The following SLC47A1 variants were observed in gnomAD, a reference collection of about 807,000 sequenced individuals.
The protein encoded by SLC47A1 is solute carrier family 47 member 1.
A neutral mutation model predicts 65.8 loss-of-function variants in SLC47A1; 58 were observed. The ratio of observed to expected loss-of-function variants is 0.88; its 90% CI spans 0.71 to 1.10. SLC47A1 has a LOEUF of 1.10. Among genes scored for constraint, SLC47A1 ranks in the 50% least tolerant of loss-of-function variants. The pLI is 0.00. For synonymous variants in SLC47A1, 285 were observed against 295.0 expected (o/e 0.97, Z 0.35); for missense variants, 706 against 719.2 (o/e 0.98, Z 0.21).
At chr17:19,534,109 G>A (rs921520949) in intron 1 of SLC47A1, 35 bp downstream of exon 1, 1 of 1,490,694 alleles carries the variant, frequency 6.7e-7, no homozygotes, top group Non-Finnish European at 9.0e-7. Context: ...GGCCGGTACC[G>A]GCGGGCTGGG....
intron 14 of SLC47A1, 89 bp downstream of exon 14, chr17:19,567,317 CCT>C: frequency 6.4e-7 from 1 of 1,573,882 alleles, no homozygotes; most frequent in Non-Finnish European, 8.7e-7. Context: ...CTGAGGCTCA[CCT>C]CTGAAACTCG....
rs921096578 is a variant in SLC47A1, at chr17:19,546,594, A to T, written c.306+91A>T. The T allele has an allele frequency of 5.2e-5, 66 of 1,258,398 alleles. 1 individual carries two copies. In the South Asian group the frequency reaches 8.1e-4, roughly 15 times the overall value. 78.0% of individuals were successfully genotyped at this position (1,258,398 alleles called of 1,614,324 possible). A position where few individuals can be genotyped will look rare whatever the true frequency, so the allele number is the denominator to read the frequency against. The stretch of plus-strand genomic sequence containing the variant: ...GCTCCACTGGCAGGAAGAGTTCAGC[A>T]GCCAGCACTTGCAGCACCTATCAGC... On this transcript the variant is annotated intron_variant, in intron 3 of 16. Coordinates refer to ENST00000270570, the MANE Select transcript of SLC47A1 (RefSeq NM_018242.3).
intron 2 of SLC47A1, among the ~76,000 whole-genome samples, chr17:19,546,184 C>T (rs553193773): frequency 1.3e-5 from 2 of 152,150 alleles, no homozygotes; most frequent in African/African-American, 2.4e-5. Context: ...CGCGCCACTG[C>T]ACTCCAGCCT....
chr17:19,572,046 C>T (rs2084403545), intron 15 of SLC47A1, among the ~76,000 whole-genome samples: 2 of 152,280 alleles, frequency 1.3e-5, no homozygotes, highest in South Asian at 4.2e-4. Context: ...CCCAGCTATT[C>T]AGGAGGCTGA....
rs1916582061 is a variant in SLC47A1, at chr17:19,555,661, G to A, written c.710G>A (p.Gly237Glu). The A allele has an allele frequency of 6.2e-7, 1 of 1,614,128 alleles. No homozygotes were observed. The highest frequency in any genetic ancestry group is 8.5e-7 in the Non-Finnish European group (1 of 1,180,010). ...LALLLFLYIL[G>E]KKLHQATWGG... The stretch of plus-strand genomic sequence containing the variant: ...CTACTCCTCTTTCTCTACATCCTCG[G>A]GAAAAAACTGCATCAAGCTACATGG... The change falls in exon 8 of 17, where the codon GGG (glycine) becomes GAG (glutamate). Residue 237 changes from glycine (G) to glutamate (E), a missense_variant. By Grantham distance (98) the Gly-to-Glu change is moderately conservative. Coordinates refer to ENST00000270570, the MANE Select transcript of SLC47A1 (RefSeq NM_018242.3).
At position 19,542,118 on chromosome 17, in the gene SLC47A1, C is replaced by CT. The variant is rs1323869542; in HGVS notation, c.136-274dup. 5.9e-5 allele frequency among the ~76,000 whole-genome samples: 9 copies of CT among 151,994 alleles called. No homozygotes were observed. The East Asian group carries it at 1.7e-3, about 29-fold the overall frequency. On this transcript the variant is annotated intron_variant, in intron 1 of 16. Transcript: ENST00000270570. ...CCAGCCCAGGTGACAGTGTGAGACT[C>CT]TGTCTCAAAAAAAAAGAAAAGCTGA...
At chr17:19,566,734 T>A in intron 12 of SLC47A1, 56 bp from the exon 13 acceptor site, 1 of 1,555,286 alleles carries the variant, frequency 6.4e-7, no homozygotes, top group Non-Finnish European at 8.9e-7. Flanking sequence ...CAGAAAGCTA[T>A]ATACTTCTTT....
intron 4 of SLC47A1, among the ~76,000 whole-genome samples, chr17:19,548,489 C>G (rs1916355487): frequency 7.2e-6 from 1 of 138,238 alleles, no homozygotes; most frequent in Non-Finnish European, 1.5e-5. Flanking sequence ...CCCTACCACC[C>G]AAGATTTTTC....
At chr17:19,570,664 C>T (rs550243639) in intron 14 of SLC47A1, among the ~76,000 whole-genome samples, 33 of 152,216 alleles carry the variant, frequency 2.2e-4, no homozygotes, top group African/African-American at 7.9e-4. Flanking sequence ...TCCTGCAAGT[C>T]TGATTTAGGG....
chr17:19,536,925 A>G (rs1282360218), intron 1 of SLC47A1, among the ~76,000 whole-genome samples: 1 of 152,214 alleles, frequency 6.6e-6, no homozygotes, highest in Non-Finnish European at 1.5e-5. Flanking sequence ...CCCATAACAC[A>G]ATGGAAATGT....
chr17:19,572,924 G>A, intron 16 of SLC47A1, 63 bp downstream of exon 16: 2 of 1,386,206 alleles, frequency 1.4e-6, no homozygotes, highest in Non-Finnish European at 2.1e-6. Flanking sequence ...GGGGCTGTTA[G>A]TGAGACACAG....
At chr17:19,563,384 G>A (rs1308370672) in intron 12 of SLC47A1, among the ~76,000 whole-genome samples, 1 of 151,704 alleles carries the variant, frequency 6.6e-6, no homozygotes, top group Admixed American at 6.6e-5. Flanking sequence ...CGCCCGCCTC[G>A]GCCTCCCAAA....
intron 1 of SLC47A1, chr17:19,535,008 T>C (rs2453580): frequency 0.37 from 55,757 of 152,154 alleles, 10,740 homozygotes; most frequent in Middle Eastern, 0.4. Context: ...CCGCTGTGCC[T>C]CTGGAGTGGG....
chr17:19,562,899 C>T (rs192149709), intron 12 of SLC47A1, among the ~76,000 whole-genome samples: 76 of 152,218 alleles, frequency 5.0e-4, no homozygotes, highest in Non-Finnish European at 1.8e-4. Flanking sequence ...CTCTACCTAA[C>T]TTAATCACAG....
chr17:19,534,344 G>C (rs1478724298), intron 1 of SLC47A1: 4 of 396,228 alleles, frequency 1.0e-5, no homozygotes, highest in Non-Finnish European at 1.8e-5. Flanking sequence ...GCTCGGAGAG[G>C]CCGGCGGCTC....
rs1348947482 is a variant in SLC47A1 at position 19,577,569 on chromosome 17, A to G, written c.*16A>G. On this transcript the variant is annotated 3_prime_UTR_variant, in exon 17 of 17. Coordinates refer to ENST00000270570, the MANE Select transcript of SLC47A1 (RefSeq NM_018242.3). ...AATTCAGTGACGTGGTAGGAAAGAA[A>G]GTCAGGTCAAGTGATGCTTTTGAGC... 1 of 1,613,616 alleles carries G rather than the reference A, an allele frequency of 6.2e-7. No homozygotes were observed. The highest frequency in any genetic ancestry group is 1.1e-5 in the South Asian group (1 of 91,018).
chr17:19,549,430 C>G (rs1916383658), intron 4 of SLC47A1, among the ~76,000 whole-genome samples: 1 of 152,060 alleles, frequency 6.6e-6, no homozygotes, highest in South Asian at 2.1e-4. Flanking sequence ...AACTCCTCAG[C>G]TCATGAACTG....
intron 1 of SLC47A1, among the ~76,000 whole-genome samples, chr17:19,541,708 A>G (rs1916153971): frequency 6.6e-6 from 1 of 152,184 alleles, no homozygotes; most frequent in African/African-American, 2.4e-5. Flanking sequence ...TTGTTGTTGA[A>G]GGCTGTATTC....
intron 7 of SLC47A1, 33 bp from the exon 8 acceptor site, chr17:19,555,560 G>T (rs759412093): frequency 1.1e-5 from 17 of 1,599,054 alleles, no homozygotes; most frequent in Non-Finnish European, 1.3e-5. Context: ...GCGCAGGAAG[G>T]TACCTCCCTC....
Sources: gnomAD v4.1 joint callset for allele counts (sites outside exome capture counted in the v4.1 genomes callset) on GRCh38, gnomAD v4.1.1 for gene constraint, MANE v1.5 for transcripts, NCBI Gene and HGNC (gene_info 2026-07-23, HGNC 2026-07-21) for gene names.